HECTD2: variants seen among roughly 807,000 people sequenced by gnomAD.
HECTD2 encodes probable E3 ubiquitin-protein ligase HECTD2.
In HECTD2, 35 loss-of-function variants were observed where a neutral mutation model predicts 103.2. The ratio of observed to expected loss-of-function variants is 0.34; its 90% CI spans 0.26 to 0.45. HECTD2 has a LOEUF of 0.45. Ranked by LOEUF, HECTD2 falls within the 20% of genes least tolerant of loss-of-function variation. The pLI is 1.00. For missense variants in HECTD2, 596 were observed against 937.4 expected (o/e 0.64, Z 4.76); for synonymous variants, 281 against 329.9 (o/e 0.85, Z 1.61).
At chr10:91,510,699 T>C (rs995306107) in intron 20 of HECTD2, among the ~76,000 whole-genome samples, 10 of 152,226 alleles carry the variant, frequency 6.6e-5, no homozygotes, top group African/African-American at 2.4e-4. Flanking sequence ...CAGAGCACTT[T>C]AGAAAAAAAT....
At chr10:91,495,410 G>A (rs190406310) in intron 14 of HECTD2, among the ~76,000 whole-genome samples, 28 of 152,028 alleles carry the variant, frequency 1.8e-4, no homozygotes, top group African/African-American at 6.3e-4. Context: ...TGAAATTTTG[G>A]TGGTCTTCCA....
At chr10:91,409,700 G>A (rs936613802), upstream of HECTD2, among the ~76,000 whole-genome samples, 1 of 152,178 alleles carries the variant, frequency 6.6e-6, no homozygotes, top group Non-Finnish European at 1.5e-5. Context: ...GTACAAAAGA[G>A]TCGGTTGCTG....
At chr10:91,484,782 G>A (rs1166638028) in intron 9 of HECTD2, 127 bp downstream of exon 9, 9 of 712,546 alleles carry the variant, frequency 1.3e-5, no homozygotes, top group Non-Finnish European at 2.0e-5. Flanking sequence ...GGAAAGAGTT[G>A]TAATTTATTT....
At chr10:91,422,085 T>C (rs141382383) in intron 1 of HECTD2, among the ~76,000 whole-genome samples, 254 of 152,292 alleles carry the variant, frequency 1.7e-3, no homozygotes, top group African/African-American at 5.8e-3. Context: ...GATTTTTTTC[T>C]AAAATACAGA....
intron 1 of HECTD2, among the ~76,000 whole-genome samples, chr10:91,411,291 A>G (rs1468392208): frequency 6.6e-6 from 1 of 152,062 alleles, no homozygotes; most frequent in Non-Finnish European, 1.5e-5. Context: ...GTCATGGGAC[A>G]GCCCCCTCCC....
At chr10:91,452,472 T>G (rs1403007942) in intron 2 of HECTD2, among the ~76,000 whole-genome samples, 1 of 152,128 alleles carries the variant, frequency 6.6e-6, no homozygotes, top group Non-Finnish European at 1.5e-5. Context: ...ATCCCCAGTG[T>G]AGCAGTGTTG....
chr10:91,490,457 A>C (rs1360347573), intron 11 of HECTD2, among the ~76,000 whole-genome samples: 1 of 152,208 alleles, frequency 6.6e-6, no homozygotes, highest in Non-Finnish European at 1.5e-5. Flanking sequence ...TCACTTTTGT[A>C]AAGTAGACTA....
At chr10:91,503,317 C>T (rs1210937457) in intron 20 of HECTD2, among the ~76,000 whole-genome samples, 2 of 152,220 alleles carry the variant, frequency 1.3e-5, no homozygotes, top group South Asian at 2.1e-4. Flanking sequence ...CAGCTCCCAG[C>T]CTGAGCGACG....
At chr10:91,478,444 T>C (rs1845984318) in intron 6 of HECTD2, among the ~76,000 whole-genome samples, 179 bp downstream of exon 6, 1 of 152,208 alleles carries the variant, frequency 6.6e-6, no homozygotes, top group Non-Finnish European at 1.5e-5. Flanking sequence ...TTGAGATTTG[T>C]GACCTCTCAG....
At chr10:91,437,849 T>C (rs531789688) in intron 2 of HECTD2, among the ~76,000 whole-genome samples, 57 of 152,140 alleles carry the variant, frequency 3.7e-4, no homozygotes, top group African/African-American at 1.3e-3. Flanking sequence ...TTTTCCATTT[T>C]GTTCTTGAAT....
intron 13 of HECTD2, 120 bp downstream of exon 13, chr10:91,492,604 G>A: frequency 5.1e-6 from 4 of 781,902 alleles, no homozygotes; most frequent in East Asian, 2.6e-5. Context: ...CGTAAATGTT[G>A]AATAATTGTT....
chr10:91,451,839 T>G (rs1427642487), intron 2 of HECTD2, among the ~76,000 whole-genome samples: 4 of 152,172 alleles, frequency 2.6e-5, no homozygotes, highest in Non-Finnish European at 4.4e-5. Context: ...CTGTGACTAT[T>G]GATATGCCTG....
chr10:91,420,536 C>T (rs1220532037), intron 1 of HECTD2, among the ~76,000 whole-genome samples: 1 of 150,558 alleles, frequency 6.6e-6, no homozygotes, highest in Admixed American at 6.6e-5. Context: ...TGCAGTGAGC[C>T]GAGATCGTGC....
intron 1 of HECTD2, among the ~76,000 whole-genome samples, chr10:91,422,162 T>A (rs913445035): frequency 1.7e-4 from 26 of 152,274 alleles, no homozygotes; most frequent in African/African-American, 6.3e-4. Flanking sequence ...CAGGATAGAA[T>A]CTATACTCTG....
intron 11 of HECTD2, among the ~76,000 whole-genome samples, 188 bp from the exon 12 acceptor site, chr10:91,491,012 A>G (rs1846458701): frequency 6.6e-6 from 1 of 151,394 alleles, no homozygotes; most frequent in Admixed American, 6.6e-5. Flanking sequence ...TTTGGTTATC[A>G]TTGTTACAAA....
intron 2 of HECTD2, among the ~76,000 whole-genome samples, chr10:91,451,273 A>T (rs1210093089): frequency 6.6e-6 from 1 of 152,172 alleles, no homozygotes; most frequent in Non-Finnish European, 1.5e-5. Flanking sequence ...TCACAGGAAC[A>T]GAAAACCGAA....
At chr10:91,447,650 T>A (rs1306288420) in intron 2 of HECTD2, among the ~76,000 whole-genome samples, 1 of 17,390 alleles carries the variant, frequency 5.8e-5, no homozygotes, top group African/African-American at 2.2e-4. Flanking sequence ...AAGACACACA[T>A]AGGCTAAAAT....
At chr10:91,427,826 T>A (rs577959037) in intron 2 of HECTD2, among the ~76,000 whole-genome samples, 1 of 152,144 alleles carries the variant, frequency 6.6e-6, no homozygotes, top group Non-Finnish European at 1.5e-5. Flanking sequence ...TTTTGTAGGT[T>A]GCCTGTTCAC....
upstream of HECTD2, among the ~76,000 whole-genome samples, chr10:91,409,847 C>A (rs561830453): frequency 4.6e-5 from 7 of 152,288 alleles, no homozygotes; most frequent in Non-Finnish European, 1.0e-4. Context: ...CGAAAGGCCA[C>A]CAGCCCAGAC....
Sources: allele counts gnomAD v4.1 joint callset (sites outside exome capture counted in the v4.1 genomes callset), GRCh38; gene constraint gnomAD v4.1.1; transcripts MANE v1.5; gene names NCBI Gene and HGNC (gene_info 2026-07-23, HGNC 2026-07-21).